CLEC20A: variants seen among roughly 807,000 people sequenced by gnomAD.
CLEC20A encodes the protein putative C-type lectin domain family 20 member A.
At chr1:178,496,983 G>A (rs1649411198), upstream of CLEC20A, 9 of 399,588 alleles carry the variant, frequency 2.3e-5, no homozygotes, top group South Asian at 1.3e-4. Flanking sequence ...GGCTGGGCAC[G>A]GGACAAGACC....
chr1:178,486,473 G>A (rs1479914267), intron 5 of CLEC20A: 6 of 398,686 alleles, frequency 1.5e-5, no homozygotes, highest in African/African-American at 4.1e-5. Context: ...GCCTCTGGGC[G>A]GGTGTCTTGG....
exon 2 of CLEC20A, chr1:178,494,749 G>A (rs190948770): frequency 3.5e-5 from 14 of 399,262 alleles, no homozygotes; most frequent in South Asian, 2.5e-4. Context: ...GCTGGGCGTC[G>A]TACCAGCTCA....
intron 5 of CLEC20A, among the ~76,000 whole-genome samples, chr1:178,487,825 A>G (rs929167112): frequency 6.6e-6 from 1 of 152,256 alleles, no homozygotes; most frequent in African/African-American, 2.4e-5. Flanking sequence ...CCTCAAAAAA[A>G]GACAATAATC....
At chr1:178,485,275 T>G (rs1649104404) in intron 5 of CLEC20A, among the ~76,000 whole-genome samples, 1 of 152,222 alleles carries the variant, frequency 6.6e-6, no homozygotes, top group African/African-American at 2.4e-5. Flanking sequence ...TTTGCTCACC[T>G]GCTGTAAACC....
intron 7 of CLEC20A, chr1:178,480,904 CAT>C (rs1473892992): frequency 2.6e-5 from 4 of 151,826 alleles, no homozygotes; most frequent in African/African-American, 7.3e-5. Flanking sequence ...AAGGAATAAA[CAT>C]AAGAGAACTC....
intron 2 of CLEC20A, among the ~76,000 whole-genome samples, 152 bp from the exon 3 acceptor site, chr1:178,492,718 G>C (rs1195646290): frequency 6.6e-6 from 1 of 152,164 alleles, no homozygotes; most frequent in African/African-American, 2.4e-5. Flanking sequence ...ATAAATACTG[G>C]GCACCTATTG....
At position 178,487,926 on chromosome 1, in the gene CLEC20A, T is replaced by C. The variant is rs1428576494; in HGVS notation, c.928+575A>G. On this transcript the variant is annotated intron_variant, in intron 5 of 7. Transcript: ENST00000623247. Reference sequence around the variant, plus strand: ...AGTTAGCCTCAGAACTCTTGGGAAGTAAAATGAGGTAACAGCTGTGAAGAT... The same window carrying C: ...AGTTAGCCTCAGAACTCTTGGGAAGCAAAATGAGGTAACAGCTGTGAAGAT... 2.0e-5 allele frequency among the ~76,000 whole-genome samples: 3 copies of C among 152,212 alleles called. No homozygotes were observed. The East Asian group carries it at 5.8e-4, about 29-fold the overall frequency.
chr1:178,498,917 C>T (rs1299741654), upstream of CLEC20A, among the ~76,000 whole-genome samples: 2 of 152,222 alleles, frequency 1.3e-5, no homozygotes, highest in Non-Finnish European at 2.9e-5. Flanking sequence ...AGTATTCTCT[C>T]GTGCAGCAAT....
upstream of CLEC20A, among the ~76,000 whole-genome samples, chr1:178,498,047 T>A (rs1649441621): frequency 6.6e-6 from 1 of 151,908 alleles, no homozygotes; most frequent in Non-Finnish European, 1.5e-5. Context: ...AGCAACCACA[T>A]GACGTGAGGG....
At chr1:178,494,496 C>A (rs1449955417) in exon 2 of CLEC20A, 2 of 399,594 alleles carry the variant, frequency 5.0e-6, no homozygotes, top group African/African-American at 2.1e-5. Context: ...CAGGAGGCAG[C>A]CCCTATGCTG....
intron 4 of CLEC20A, 59 bp from the exon 5 acceptor site, chr1:178,488,658 C>T: frequency 2.5e-6 from 1 of 398,546 alleles, no homozygotes; most frequent in Non-Finnish European, 4.4e-6. Context: ...AGGTGAGTGG[C>T]CACCCCAGGC....
downstream of CLEC20A, chr1:178,478,884 T>C (rs1174654296): frequency 1.3e-5 from 2 of 152,252 alleles, no homozygotes; most frequent in Non-Finnish European, 2.9e-5. Context: ...ATTTGACATA[T>C]TGCTGTCTTC....
At chr1:178,496,192 C>T (rs1649384914) in intron 1 of CLEC20A, 1 of 152,448 alleles carries the variant, frequency 6.6e-6, no homozygotes, top group Non-Finnish European at 1.5e-5. Context: ...GGGCGCCCCT[C>T]CCGCCGGCCT....
At chr1:178,495,321 A>T (rs1021209944) in intron 1 of CLEC20A, among the ~76,000 whole-genome samples, 7 of 152,234 alleles carry the variant, frequency 4.6e-5, no homozygotes, top group Non-Finnish European at 8.8e-5. Context: ...GGGAAGGAAT[A>T]CAGCCCAGAC....
At chr1:178,498,077 T>C (rs1402752806), upstream of CLEC20A, among the ~76,000 whole-genome samples, 3 of 152,130 alleles carry the variant, frequency 2.0e-5, no homozygotes, top group Non-Finnish European at 4.4e-5. Flanking sequence ...TCATTTTCAC[T>C]GGCTCACAGG....
chr1:178,486,697 G>C lies in CLEC20A; in HGVS notation c.928+1804C>G, dbSNP rs1572156730. 7.5e-6 allele frequency: 3 copies of C among 398,680 alleles called. No individual in the cohort carries two copies. In the East Asian group the frequency reaches 1.1e-4, roughly 14 times the overall value. 24.7% of individuals were successfully genotyped at this position (398,680 alleles called of 1,614,324 possible). On this transcript the variant is annotated intron_variant, in intron 5 of 7. Coordinates refer to ENST00000623247, the Ensembl canonical transcript of CLEC20A. ...GGCATCGAGTGTGGGGCTCGAAGCGGAGGCCAGAAGAGTCGCAGTTACTTC... is the reference window on the plus strand; with the variant it reads ...GGCATCGAGTGTGGGGCTCGAAGCGCAGGCCAGAAGAGTCGCAGTTACTTC...
At chr1:178,491,200 G>C (rs549471716) in intron 3 of CLEC20A, among the ~76,000 whole-genome samples, 11 of 152,194 alleles carry the variant, frequency 7.2e-5, no homozygotes, top group Admixed American at 2.0e-4. Flanking sequence ...CCCATCGCCG[G>C]TGCAGCTCAT....
intron 5 of CLEC20A, 48 bp downstream of exon 5, chr1:178,488,453 C>T (rs574828108): frequency 5.0e-6 from 2 of 398,764 alleles, no homozygotes; most frequent in Non-Finnish European, 8.8e-6. Context: ...CTTGCCACTT[C>T]CCCAGACCCT....
chr1:178,491,182 C>T (rs1445629531), intron 3 of CLEC20A, among the ~76,000 whole-genome samples: 1 of 152,204 alleles, frequency 6.6e-6, no homozygotes, highest in Non-Finnish European at 1.5e-5. Flanking sequence ...CAGGCCCAGC[C>T]TACCCTGCCC....
Sources: allele counts gnomAD v4.1 joint callset (sites outside exome capture counted in the v4.1 genomes callset), GRCh38; gene constraint gnomAD v4.1.1; transcripts MANE v1.5; gene names NCBI Gene and HGNC (gene_info 2026-07-23, HGNC 2026-07-21).